Variants in STXBP5 observed in about 807,000 individuals in gnomAD.
The protein encoded by STXBP5 is syntaxin binding protein 5.
Under a neutral mutation model 152.4 loss-of-function variants are expected in STXBP5, and 50 were observed. That is an observed-to-expected ratio of 0.33 (90% CI 0.26 to 0.42). The LOEUF is 0.42. STXBP5 is among the 10% of genes least tolerant of loss of function. STXBP5 has a pLI of 1.00. For missense variants in STXBP5, 1,167 were observed against 1,388.6 expected (o/e 0.84, Z 2.54); for synonymous variants, 492 against 494.7 (o/e 0.99, Z 0.07).
At chr6:147,351,058 T>C (rs1011251353) in intron 21 of STXBP5, among the ~76,000 whole-genome samples, 1 of 152,216 alleles carries the variant, frequency 6.6e-6, no homozygotes, top group Non-Finnish European at 1.5e-5. Flanking sequence ...GGCCTAATTA[T>C]ATAGACGTAC....
At position 147,306,555 on chromosome 6, in the gene STXBP5, G is replaced by T. The variant is rs149111879; in HGVS notation, c.918-3529G>T. On this transcript the variant is annotated intron_variant, in intron 9 of 27. Transcript: ENST00000321680. Reference sequence around the variant, plus strand: ...GATGAAAAGGAGGAGACAGATTCTAGAGATCCTAATGGAGTAAACAGGATG... The same window carrying T: ...GATGAAAAGGAGGAGACAGATTCTATAGATCCTAATGGAGTAAACAGGATG... Among the ~76,000 whole-genome samples, 10 of 152,308 alleles carry T rather than the reference G, an allele frequency of 6.6e-5. No homozygotes were observed. The East Asian group carries it at 1.7e-3, about 26-fold the overall frequency.
intron 8 of STXBP5, among the ~76,000 whole-genome samples, chr6:147,289,920 G>A (rs78415449): frequency 0.017 from 2,657 of 152,254 alleles, 41 homozygotes; most frequent in Middle Eastern, 0.031. Context: ...CGCTTTCCTG[G>A]CCGGGTGCAG....
intron 22 of STXBP5, among the ~76,000 whole-genome samples, chr6:147,358,495 T>G (rs4896907): frequency 0.55 from 83,505 of 151,888 alleles, 23,185 homozygotes; most frequent in Middle Eastern, 0.59. Flanking sequence ...AGGGAAAATT[T>G]ATTAGCATAA....
At chr6:147,360,068 A>G (rs1472931092) in intron 23 of STXBP5, among the ~76,000 whole-genome samples, 1 of 152,248 alleles carries the variant, frequency 6.6e-6, no homozygotes, top group Non-Finnish European at 1.5e-5. Flanking sequence ...ACTGGCCATC[A>G]GAGAAATGGA....
At chr6:147,343,749 T>C (rs772346296) in intron 21 of STXBP5, among the ~76,000 whole-genome samples, 1 of 152,332 alleles carries the variant, frequency 6.6e-6, no homozygotes, top group East Asian at 1.9e-4. Context: ...AAAAAGTGTA[T>C]ATTAAGTCGT....
intron 25 of STXBP5, among the ~76,000 whole-genome samples, chr6:147,366,927 C>T (rs533393649): frequency 9.2e-5 from 14 of 152,260 alleles, no homozygotes; most frequent in African/African-American, 2.4e-4. Flanking sequence ...AGGTAAAAAT[C>T]GCAATGTCTG....
At chr6:147,377,692 C>A (rs1008670540) in intron 26 of STXBP5, among the ~76,000 whole-genome samples, 9 of 152,042 alleles carry the variant, frequency 5.9e-5, no homozygotes, top group African/African-American at 2.2e-4. Flanking sequence ...GGGCTGTAAT[C>A]CCACTGATGA....
At chr6:147,329,799 T>G in intron 18 of STXBP5, among the ~76,000 whole-genome samples, 1 of 151,962 alleles carries the variant, frequency 6.6e-6, no homozygotes, top group East Asian at 1.9e-4. Context: ...CTAATTTTTT[T>G]TGTATTTTTA....
intron 8 of STXBP5, among the ~76,000 whole-genome samples, chr6:147,283,296 T>C (rs1780786411): frequency 6.6e-6 from 1 of 152,184 alleles, no homozygotes; most frequent in Admixed American, 6.5e-5. Flanking sequence ...GGATGAGACG[T>C]GTAAAGAATT....
chr6:147,267,029 A>C (rs1779927400), intron 6 of STXBP5, 55 bp from the exon 7 acceptor site: 2 of 1,402,574 alleles, frequency 1.4e-6, no homozygotes, highest in Non-Finnish European at 2.0e-6. Flanking sequence ...TCAGCAAATA[A>C]ATGTTTTATA....
At chr6:147,205,834 T>G in intron 1 of STXBP5, 137 bp from the exon 2 acceptor site, 1 of 549,682 alleles carries the variant, frequency 1.8e-6, no homozygotes, top group Non-Finnish European at 3.3e-6. Context: ...TCACTTATTT[T>G]TTCAAAAGCA....
intron 4 of STXBP5, among the ~76,000 whole-genome samples, chr6:147,247,312 T>C (rs1414871358): frequency 6.6e-6 from 1 of 152,142 alleles, no homozygotes; most frequent in Non-Finnish European, 1.5e-5. Context: ...ATGAGAGTGA[T>C]GTGATGGGAT....
At chr6:147,301,885 C>A (rs950893267) in intron 9 of STXBP5, among the ~76,000 whole-genome samples, 5 of 152,142 alleles carry the variant, frequency 3.3e-5, no homozygotes, top group African/African-American at 9.7e-5. Flanking sequence ...TGACTTCAGA[C>A]CTGCTACTGC....
intron 3 of STXBP5, among the ~76,000 whole-genome samples, chr6:147,237,973 A>G (rs377601064): frequency 1.3e-4 from 20 of 152,336 alleles, no homozygotes; most frequent in East Asian, 5.8e-4. Flanking sequence ...GTCTTAATAA[A>G]TCAGCTCTAG....
chr6:147,372,406 C>A, intron 25 of STXBP5, among the ~76,000 whole-genome samples: 1 of 39,106 alleles, frequency 2.6e-5, no homozygotes, highest in Admixed American at 3.6e-4. Flanking sequence ...CCGTCCTTTT[C>A]CTTTTTTTTT....
intron 6 of STXBP5, 115 bp downstream of exon 6, chr6:147,262,468 G>A: frequency 3.4e-6 from 2 of 594,736 alleles, no homozygotes; most frequent in Non-Finnish European, 5.8e-6. Flanking sequence ...TGAAGGTTGT[G>A]TATCATATAC....
intron 17 of STXBP5, 63 bp from the exon 18 acceptor site, chr6:147,327,062 T>A: frequency 6.8e-7 from 1 of 1,476,838 alleles, no homozygotes; most frequent in Non-Finnish European, 9.3e-7. Context: ...CCTTATAGAC[T>A]GTAGTACATT....
intron 11 of STXBP5, 72 bp from the exon 12 acceptor site, chr6:147,313,812 T>C: frequency 9.6e-7 from 1 of 1,046,532 alleles, no homozygotes; most frequent in African/African-American, 1.6e-5. Flanking sequence ...TTTTTAAAGT[T>C]TTTATTTTTG....
At chr6:147,261,346 A>G (rs1344064454) in intron 5 of STXBP5, among the ~76,000 whole-genome samples, 1 of 151,990 alleles carries the variant, frequency 6.6e-6, no homozygotes. Flanking sequence ...CTTTAGTGCT[A>G]ACTCTTCACT....
Sources: gnomAD v4.1 joint callset for allele counts (sites outside exome capture counted in the v4.1 genomes callset) on GRCh38, gnomAD v4.1.1 for gene constraint, MANE v1.5 for transcripts, NCBI Gene and HGNC (gene_info 2026-07-23, HGNC 2026-07-21) for gene names.